Variants in CHD6 observed in about 807,000 individuals in gnomAD.
CHD6 encodes chromodomain helicase DNA binding protein 6.
In CHD6, 50 loss-of-function variants were observed where a neutral mutation model predicts 276.9. That is an observed-to-expected ratio of 0.18 (90% CI 0.14 to 0.23). The LOEUF (loss-of-function observed/expected upper bound fraction) is 0.23. Among genes scored for constraint, CHD6 ranks in the 10% least tolerant of loss-of-function variants. The pLI, the probability that CHD6 is intolerant of heterozygous loss-of-function variation, is 1.00. For missense variants in CHD6, 2,564 were observed against 3,365.8 expected, an observed-to-expected ratio of 0.76 and a Z score of 5.89; for synonymous variants, 1,173 against 1,229.3, an observed-to-expected ratio of 0.95 and a Z score of 0.96.
intron 16 of CHD6, among the ~76,000 whole-genome samples, chr20:41,480,642 G>A (rs1286424072): frequency 6.6e-6 from 1 of 151,876 alleles, no homozygotes; most frequent in African/African-American, 2.4e-5. Context: ...CAGTGAGAAC[G>A]GATAATACCT....
Position 41,404,540 on chromosome 20 carries a change from T to C in CHD6, c.*53A>G. On this transcript the variant is annotated 3_prime_UTR_variant, in exon 37 of 37. Transcript: ENST00000373233. ...GGTGAAGTGAGGGAAGTAACAAACC[T>C]TTATGGGATAAGAAACTTACAAGTC... is the stretch of plus-strand genomic sequence containing the variant. 1 of 1,464,352 alleles carries C rather than the reference T, an allele frequency of 6.8e-7. No individual in the cohort carries two copies. The highest frequency in any genetic ancestry group is 9.0e-7 in the Non-Finnish European group (1 of 1,106,460). The allele number at this position is 1,464,352 out of a possible 1,614,324, so 90.7% of individuals were successfully genotyped here. A position where few individuals can be genotyped will look rare whatever the true frequency, so the allele number is the denominator to read the frequency against.
chr20:41,493,987 G>A (rs763751910), intron 8 of CHD6, 43 bp from the exon 9 acceptor site: 2 of 1,463,352 alleles, frequency 1.4e-6, no homozygotes, highest in South Asian at 1.1e-5. Context: ...ATGTCCCCTT[G>A]CCTCAAATCC....
At chr20:41,581,423 T>C (rs1285171843) in intron 1 of CHD6, among the ~76,000 whole-genome samples, 1 of 152,142 alleles carries the variant, frequency 6.6e-6, no homozygotes, top group Non-Finnish European at 1.5e-5. Flanking sequence ...ACACCTGTAA[T>C]CCCAGCACTC....
chr20:41,415,577 A>G lies in CHD6; in HGVS notation c.6548T>C (p.Phe2183Ser), dbSNP rs766340310. The G allele has an allele frequency of 1.2e-6, 2 of 1,613,634 alleles. No homozygotes were observed. Among genetic ancestry groups the G allele is most frequent in the East Asian group, 2.2e-5 (1 of 44,872 alleles). ...AGCCTTTGCATCCCTCTCCACCTCA[A>G]ACTCATAGGGACGCCTGTGCTTTTG... The part of the protein sequence containing the change: ...DEQKHRRPYE[F>S]EVERDAKARG... The change falls in exon 34 of 37, where the codon TTT (phenylalanine) becomes TCT (serine). Residue 2183 changes from phenylalanine (F) to serine (S), a missense_variant. Coordinates refer to ENST00000373233, the MANE Select transcript of CHD6 (RefSeq NM_032221.5).
At position 41,451,101 on chromosome 20, in the gene CHD6, T is replaced by G; in HGVS notation, c.3528A>C (p.Leu1176Phe). ...TCCTCCCTCTGGGGACTGGGGCAGATAAGCCTGAAACAGAAAGACAGCATA... is the reference window on the plus strand; with the variant it reads ...TCCTCCCTCTGGGGACTGGGGCAGAGAAGCCTGAAACAGAAAGACAGCATA... The part of the protein sequence containing the change: ...QAQTLQNHSG[L>F]SAPVPRGRKG... The change falls in exon 23 of 37, where the codon TTA (leucine) becomes TTC (phenylalanine). Residue 1176 changes from leucine (L) to phenylalanine (F), a missense_variant. Transcript: ENST00000373233. The G allele has an allele frequency of 6.2e-7, 1 of 1,613,528 alleles. No individual in the cohort carries two copies. Among genetic ancestry groups the G allele is most frequent in the South Asian group, 1.1e-5 (1 of 90,944 alleles).
chr20:41,413,697 C>G (rs2046911553), intron 34 of CHD6, 182 bp from the exon 35 acceptor site: 1 of 493,864 alleles, frequency 2.0e-6, no homozygotes, highest in Non-Finnish European at 3.5e-6. Context: ...TAAGCTCTTG[C>G]AAGTGATTTG....
intron 1 of CHD6, among the ~76,000 whole-genome samples, chr20:41,554,332 G>A (rs1465257906): frequency 6.6e-6 from 1 of 152,178 alleles, no homozygotes; most frequent in Non-Finnish European, 1.5e-5. Flanking sequence ...TGCCAGGAAT[G>A]TGGGAAAACA....
chr20:41,493,173 G>A (rs2043596917), intron 10 of CHD6, among the ~76,000 whole-genome samples: 1 of 152,128 alleles, frequency 6.6e-6, no homozygotes, highest in African/African-American at 2.4e-5. Context: ...TCAAAGAAAA[G>A]AGGTAGCTGA....
intron 17 of CHD6, among the ~76,000 whole-genome samples, chr20:41,467,756 C>G (rs932374206): frequency 2.8e-5 from 4 of 143,700 alleles, no homozygotes; most frequent in Non-Finnish European, 4.5e-5. Flanking sequence ...ACAGGAAGGA[C>G]AGATGAATTC....
At chr20:41,409,316 C>G (rs1358897516) in intron 36 of CHD6, among the ~76,000 whole-genome samples, 4 of 152,144 alleles carry the variant, frequency 2.6e-5, no homozygotes, top group Non-Finnish European at 5.9e-5. Context: ...TAATTATACC[C>G]TGGGAGCAAA....
chr20:41,450,396 C>T (rs1378027859), intron 23 of CHD6, among the ~76,000 whole-genome samples: 2 of 151,940 alleles, frequency 1.3e-5, no homozygotes, highest in African/African-American at 4.8e-5. Context: ...ATTGTTTTGT[C>T]GCTGAATGCC....
At chr20:41,494,697 G>C (rs1264847521) in intron 8 of CHD6, among the ~76,000 whole-genome samples, 1 of 152,164 alleles carries the variant, frequency 6.6e-6, no homozygotes, top group Admixed American at 6.5e-5. Flanking sequence ...TCCTCCAGGA[G>C]TGCTGAAGAG....
chr20:41,435,844 T>C (rs915497563), intron 27 of CHD6, among the ~76,000 whole-genome samples: 2 of 152,172 alleles, frequency 1.3e-5, no homozygotes, highest in Non-Finnish European at 2.9e-5. Flanking sequence ...TATCTATCTA[T>C]CAAATTTTAA....
chr20:41,610,443 T>TA (rs2045874827), intron 1 of CHD6, among the ~76,000 whole-genome samples: 1 of 151,998 alleles, frequency 6.6e-6, no homozygotes, highest in African/African-American at 2.4e-5. Context: ...AATGTTATTT[T>TA]AAAAAAACAA....
At chr20:41,480,755 G>C (rs1258966235) in intron 16 of CHD6, among the ~76,000 whole-genome samples, 1 of 152,154 alleles carries the variant, frequency 6.6e-6, no homozygotes, top group African/African-American at 2.4e-5. Flanking sequence ...ATGCTTCTGG[G>C]ATATGAGAAA....
intron 5 of CHD6, among the ~76,000 whole-genome samples, chr20:41,502,542 G>A (rs1329538266): frequency 6.6e-6 from 1 of 152,166 alleles, no homozygotes; most frequent in Non-Finnish European, 1.5e-5. Flanking sequence ...CACTCCTACA[G>A]CTTGATTACA....
At position 41,453,034 on chromosome 20, in the gene CHD6, G is replaced by C. The variant is rs4572655; in HGVS notation, c.3121-92C>G. On this transcript the variant is annotated intron_variant, in intron 20 of 36. Transcript: ENST00000373233. ...GTATCCTCAGGACACATTTGGGATAGAACCATGCCCCGTCTCATCCTCCAG... is the reference window on the plus strand; with the variant it reads ...GTATCCTCAGGACACATTTGGGATACAACCATGCCCCGTCTCATCCTCCAG... The C allele has an allele frequency of 0.013, 13,211 of 1,004,718 alleles. 1,195 individuals are homozygous for C. The African/African-American group carries it at 0.19, about 14-fold the overall frequency. 62.2% of individuals were successfully genotyped at this position (1,004,718 alleles called of 1,614,324 possible).
At chr20:41,481,860 G>C (rs1600972060) in intron 16 of CHD6, among the ~76,000 whole-genome samples, 1 of 151,814 alleles carries the variant, frequency 6.6e-6, no homozygotes, top group South Asian at 2.1e-4. Context: ...TAAAAAATAA[G>C]AGTTACAAAG....
chr20:41,499,992 C>G (rs2043793229), intron 5 of CHD6, among the ~76,000 whole-genome samples: 1 of 152,128 alleles, frequency 6.6e-6, no homozygotes, highest in South Asian at 2.1e-4. Flanking sequence ...AACCTAAATT[C>G]CTTTTTACCC....
Sources: gnomAD v4.1 joint callset for allele counts (sites outside exome capture counted in the v4.1 genomes callset) on GRCh38, gnomAD v4.1.1 for gene constraint, MANE v1.5 for transcripts, NCBI Gene and HGNC (gene_info 2026-07-23, HGNC 2026-07-21) for gene names.